Variants in ZNF138 observed in about 807,000 individuals in gnomAD.
The protein encoded by ZNF138 is zinc finger protein 138 (clone pHZ-32).
A neutral mutation model predicts 33.0 loss-of-function variants in ZNF138; 33 were observed. The observed-to-expected ratio is 1.00, with a 90% CI of 0.76 to 1.34. ZNF138 has a LOEUF of 1.34. Among genes scored for constraint, ZNF138 ranks in the 40% most tolerant of loss-of-function variants. The pLI is 0.00. For missense variants in ZNF138, 360 were observed against 370.8 expected, an observed-to-expected ratio of 0.97 and a Z score of 0.24; for synonymous variants, 139 against 120.4, an observed-to-expected ratio of 1.15 and a Z score of -1.01.
chr7:64,794,440 CG>C lies in ZNF138; in HGVS notation c.-126del. ...CGGCGGGGTCTTTGTCTCGCTGCAGCGGGTGCTGCAGGTCTGGCCTTCACTT... is the reference window on the plus strand; with the variant it reads ...CGGCGGGGTCTTTGTCTCGCTGCAGCGGTGCTGCAGGTCTGGCCTTCACTT... On this transcript the variant is annotated 5_prime_UTR_variant, in exon 1 of 4. Transcript: ENST00000307355. 2 of 1,374,946 alleles carry C rather than the reference CG, an allele frequency of 1.5e-6. No homozygotes were observed. The highest frequency in any genetic ancestry group is 2.0e-6 in the Non-Finnish European group (2 of 978,856). 85.2% of individuals were successfully genotyped at this position (1,374,946 alleles called of 1,614,324 possible). A position where few individuals can be genotyped will look rare whatever the true frequency, so the allele number is the denominator to read the frequency against.
chr7:64,831,892 A>G lies in ZNF138; in HGVS notation c.650A>G (p.His217Arg), dbSNP rs1790118334. The change falls in exon 4 of 4, where the codon CAT (histidine) becomes CGT (arginine). Residue 217 changes from histidine (H) to arginine (R), a missense_variant. By Grantham distance (29) the His-to-Arg change is conservative (BLOSUM62 0). Transcript: ENST00000307355. Reference protein sequence around the residue: ...STNLSKPKKIHTGEKPYKCEV... With the variant: ...STNLSKPKKIRTGEKPYKCEV... ...AACCTTTCTAAACCTAAGAAAATTCATACTGGAGAAAAACCCTACAAATGT... is the reference window on the plus strand; with the variant it reads ...AACCTTTCTAAACCTAAGAAAATTCGTACTGGAGAAAAACCCTACAAATGT... 6.2e-7 allele frequency: 1 copy of G among 1,613,942 alleles called. No homozygotes were observed. The highest frequency in any genetic ancestry group is 8.5e-7 in the Non-Finnish European group (1 of 1,179,906).
intron 3 of ZNF138, chr7:64,831,018 A>C: frequency 6.4e-7 from 1 of 1,551,956 alleles, no homozygotes; most frequent in Non-Finnish European, 8.7e-7. Flanking sequence ...TCAGCACTTT[A>C]TGTCATGGGA....
intron 3 of ZNF138, among the ~76,000 whole-genome samples, chr7:64,815,925 G>T (rs1338609652): frequency 2.0e-5 from 3 of 152,092 alleles, no homozygotes; most frequent in African/African-American, 7.2e-5. Flanking sequence ...CAATCTGACT[G>T]CTTTTTTATT....
chr7:64,800,380 G>GT (rs1787044107), intron 1 of ZNF138, among the ~76,000 whole-genome samples: 1 of 152,160 alleles, frequency 6.6e-6, no homozygotes, highest in South Asian at 2.1e-4. Flanking sequence ...CTAGTTTGTT[G>GT]AAGGTTTTTA....
chr7:64,851,192 A>G, the ZNF138 span, among the ~76,000 whole-genome samples: 1 of 152,052 alleles, frequency 6.6e-6, no homozygotes, highest in Admixed American at 6.5e-5. Flanking sequence ...CTCAAAACCT[A>G]TTTATCCTGT....
intron 3 of ZNF138, among the ~76,000 whole-genome samples, chr7:64,823,624 T>G (rs1789344773): frequency 6.6e-6 from 1 of 152,152 alleles, no homozygotes; most frequent in African/African-American, 2.4e-5. Flanking sequence ...CATGAACCAC[T>G]GCACCCAGCT....
At chr7:64,841,066 T>A in the ZNF138 span, among the ~76,000 whole-genome samples, 1 of 152,084 alleles carries the variant, frequency 6.6e-6, no homozygotes, top group Non-Finnish European at 1.5e-5. Context: ...CATGAAAAAT[T>A]TCTGTTTTTC....
the ZNF138 span, among the ~76,000 whole-genome samples, chr7:64,848,939 C>G: frequency 1.3e-5 from 2 of 152,122 alleles, no homozygotes; most frequent in East Asian, 1.9e-4. Context: ...CTCCTGACCT[C>G]GTGATCTGCC....
At chr7:64,814,847 G>C (rs770054177) in intron 1 of ZNF138, 71 bp from the exon 2 acceptor site, 4 of 1,590,636 alleles carry the variant, frequency 2.5e-6, no homozygotes, top group Non-Finnish European at 3.4e-6. Flanking sequence ...TTTACCTTGA[G>C]TCAAATTTAA....
intron 1 of ZNF138, among the ~76,000 whole-genome samples, chr7:64,807,138 AG>A (rs1787668656): frequency 6.6e-6 from 1 of 152,256 alleles, no homozygotes; most frequent in Admixed American, 6.5e-5. Flanking sequence ...TGATATCTAT[AG>A]AAACAATGCT....
rs1400680293 is a variant in ZNF138, at chr7:64,832,954, T to C, written c.*752T>C. ...CGATGTGGCAGTTGTTTTAACTAGT[T>C]CTCGAACTTTACTATGCATAAGAAA... On this transcript the variant is annotated 3_prime_UTR_variant, in exon 4 of 4. Coordinates refer to ENST00000307355, the MANE Select transcript of ZNF138 (RefSeq NM_001271639.2). 1 of 388,904 alleles carries C rather than the reference T, an allele frequency of 2.6e-6. No individual in the cohort carries two copies. The highest frequency in any genetic ancestry group is 2.1e-5 in the South Asian group (1 of 48,658). 24.1% of individuals were successfully genotyped at this position (388,904 alleles called of 1,614,324 possible).
downstream of ZNF138, among the ~76,000 whole-genome samples, chr7:64,838,680 A>C (rs1272742955): frequency 6.6e-6 from 1 of 152,148 alleles, no homozygotes; most frequent in African/African-American, 2.4e-5. Context: ...GGATTAGCGG[A>C]TATCACTGCC....
chr7:64,825,321 C>T (rs191280401), intron 3 of ZNF138, among the ~76,000 whole-genome samples: 2,288 of 149,210 alleles, frequency 0.015, 55 homozygotes, highest in African/African-American at 0.053. Context: ...TACAGGCGCC[C>T]GCCAACAGGG....
At chr7:64,850,924 G>A in the ZNF138 span, among the ~76,000 whole-genome samples, 18 of 152,120 alleles carry the variant, frequency 1.2e-4, no homozygotes, top group Admixed American at 9.8e-4. Context: ...GGGTATAATA[G>A]TAGTTGAATG....
At chr7:64,847,139 A>G in the ZNF138 span, among the ~76,000 whole-genome samples, 2 of 151,748 alleles carry the variant, frequency 1.3e-5, no homozygotes, top group Non-Finnish European at 2.9e-5. Flanking sequence ...ATTTTTTAAT[A>G]TGTTGTTTGA....
At chr7:64,812,990 C>A (rs1468134282) in intron 1 of ZNF138, among the ~76,000 whole-genome samples, 2 of 151,288 alleles carry the variant, frequency 1.3e-5, no homozygotes, top group African/African-American at 4.9e-5. Flanking sequence ...TTTGTTTTAA[C>A]TACTTTTAAA....
downstream of ZNF138, among the ~76,000 whole-genome samples, chr7:64,834,413 C>A (rs188682901): frequency 8.1e-4 from 123 of 151,972 alleles, no homozygotes; most frequent in African/African-American, 2.9e-3. Flanking sequence ...ATAAAATAAC[C>A]CAAAACTAAA....
intron 3 of ZNF138, among the ~76,000 whole-genome samples, chr7:64,828,721 T>C (rs1789843307): frequency 6.6e-6 from 1 of 152,144 alleles, no homozygotes; most frequent in African/African-American, 2.4e-5. Context: ...CCAAATTGTT[T>C]TAATTCTGTA....
chr7:64,846,110 C>T, the ZNF138 span, among the ~76,000 whole-genome samples: 8 of 152,254 alleles, frequency 5.3e-5, no homozygotes, highest in Admixed American at 4.6e-4. Context: ...CATGCTGCTC[C>T]GTTGGCCTAC....
Sources: gnomAD v4.1 joint callset for allele counts (sites outside exome capture counted in the v4.1 genomes callset) on GRCh38, gnomAD v4.1.1 for gene constraint, MANE v1.5 for transcripts, NCBI Gene and HGNC (gene_info 2026-07-23, HGNC 2026-07-21) for gene names.